MED13L: variants seen among roughly 807,000 people sequenced by gnomAD.
MED13L encodes mediator of RNA polymerase II transcription subunit 13-like.
In MED13L, 7 loss-of-function variants were observed where a neutral mutation model predicts 220.9. The ratio of observed to expected loss-of-function variants is 0.03; its 90% CI spans 0.02 to 0.06. The LOEUF is 0.06. MED13L is among the 10% of genes least tolerant of loss of function. MED13L has a pLI of 1.00. For missense variants in MED13L, 1,965 were observed against 2,760.5 expected (o/e 0.71, Z 6.46); for synonymous variants, 1,011 against 1,015.2 (o/e 1.00, Z 0.08).
chr12:115,964,735 A>G (rs1286485561), intron 29 of MED13L, among the ~76,000 whole-genome samples: 1 of 152,142 alleles, frequency 6.6e-6, no homozygotes, highest in Non-Finnish European at 1.5e-5. Context: ...CTGCTGGACC[A>G]TAATAATCTT....
intron 2 of MED13L, among the ~76,000 whole-genome samples, chr12:116,219,925 T>G (rs992501221): frequency 6.6e-6 from 1 of 151,976 alleles, no homozygotes; most frequent in African/African-American, 2.4e-5. Flanking sequence ...GCCTCCCGAG[T>G]AGCTGAGATT....
At chr12:116,150,201 T>A (rs572628762) in intron 2 of MED13L, among the ~76,000 whole-genome samples, 1 of 152,354 alleles carries the variant, frequency 6.6e-6, no homozygotes, top group East Asian at 1.9e-4. Context: ...ATCTCTTTTC[T>A]GGCTGACCAT....
intron 4 of MED13L, among the ~76,000 whole-genome samples, chr12:116,038,427 T>C (rs1416689094): frequency 1.3e-5 from 2 of 152,098 alleles, no homozygotes; most frequent in Non-Finnish European, 1.5e-5. Context: ...TAAACTGAAA[T>C]GGTGTACCTT....
intron 4 of MED13L, among the ~76,000 whole-genome samples, chr12:116,081,853 T>A (rs1871259861): frequency 6.6e-6 from 1 of 152,214 alleles, no homozygotes; most frequent in Admixed American, 6.5e-5. Flanking sequence ...GGCAGCAGAA[T>A]GAGAACCTGT....
chr12:115,982,606 G>A lies in MED13L; in HGVS notation c.4956-3C>T. 2 of 1,608,374 alleles carry A rather than the reference G, an allele frequency of 1.2e-6. No homozygotes were observed. Among genetic ancestry groups the A allele is most frequent in the Non-Finnish European group, 1.7e-6 (2 of 1,174,952 alleles). On this transcript the variant is annotated splice_polypyrimidine_tract_variant and splice_region_variant and intron_variant, in intron 21 of 30. Transcript: ENST00000281928. The stretch of plus-strand genomic sequence containing the variant: ...CTATTCTCTCCCTTTCTGTAACACT[G>A]GAGAGAGAGTCACTTGTGAGATGCA...
At chr12:116,276,677 C>T (rs1032948348) in intron 1 of MED13L, 45 of 1,174,086 alleles carry the variant, frequency 3.8e-5, no homozygotes, top group Non-Finnish European at 4.4e-5. Context: ...CGATCGGAGG[C>T]GCGGCAGCAC....
At chr12:116,043,154 T>C (rs564566481) in intron 4 of MED13L, among the ~76,000 whole-genome samples, 1 of 152,326 alleles carries the variant, frequency 6.6e-6, no homozygotes, top group South Asian at 2.1e-4. Context: ...GGAATGGTTC[T>C]ATCCCCCTCT....
chr12:116,008,938 G>A lies in MED13L; in HGVS notation c.1475C>T (p.Ser492Phe). 6.2e-7 allele frequency: 1 copy of A among 1,614,106 alleles called. No individual in the cohort carries two copies. The change falls in exon 10 of 31, where the codon TCT becomes TTT. Residue 492 changes from serine to phenylalanine, a missense_variant. Around this residue, in one of 10 missense-constraint regions of MED13L, gnomAD observed 818 missense variants for 1,041.2 expected, o/e 0.79. Coordinates refer to ENST00000281928, the MANE Select transcript of MED13L (RefSeq NM_015335.5). ...CTCCATGCATAATTCTTCGGCCACA[G>A]AGGGCCTATGGTGAAATGGTATTAA... ...RPLIPFHHRP[S>F]VAEELCMEQD...
intron 4 of MED13L, among the ~76,000 whole-genome samples, chr12:116,023,894 CA>C (rs1880217124): frequency 6.6e-6 from 1 of 152,118 alleles, no homozygotes; most frequent in Non-Finnish European, 1.5e-5. Flanking sequence ...ATAATATAAA[CA>C]GTAAAAATAC....
chr12:116,156,948 A>C (rs1878490399), intron 2 of MED13L, among the ~76,000 whole-genome samples: 1 of 152,114 alleles, frequency 6.6e-6, no homozygotes, highest in Non-Finnish European at 1.5e-5. Context: ...GATTCTTGAC[A>C]CCATGATAAA....
chr12:116,276,903 G>A (rs892954828), intron 1 of MED13L, 157 bp downstream of exon 1: 2 of 983,276 alleles, frequency 2.0e-6, no homozygotes, highest in South Asian at 1.4e-5. Context: ...AGAGAGAGAC[G>A]ATCCAAAAGG....
intron 2 of MED13L, among the ~76,000 whole-genome samples, chr12:116,161,148 C>G (rs1027678773): frequency 6.6e-6 from 1 of 152,084 alleles, no homozygotes; most frequent in Admixed American, 6.6e-5. Context: ...AGACAGTAAT[C>G]CATTCACAGG....
chr12:116,267,748 G>A (rs1399694677), intron 1 of MED13L, among the ~76,000 whole-genome samples: 1 of 152,120 alleles, frequency 6.6e-6, no homozygotes, highest in Non-Finnish European at 1.5e-5. Flanking sequence ...GAAAGTAAAG[G>A]AATTCTGGAT....
intron 1 of MED13L, chr12:116,276,749 G>A: frequency 1.6e-6 from 2 of 1,280,530 alleles, no homozygotes; most frequent in Non-Finnish European, 2.0e-6. Context: ...GAGAAGGGGA[G>A]TGCGATTGCA....
intron 1 of MED13L, among the ~76,000 whole-genome samples, chr12:116,264,013 C>T (rs1872668601): frequency 2.6e-5 from 4 of 152,156 alleles, no homozygotes. Flanking sequence ...CGTATGTATG[C>T]CAACATACCC....
In MED13L at chr12:116,151,801, T is replaced by C. The variant is rs751634230; in HGVS notation, c.311-40289A>G. Among the ~76,000 whole-genome samples, 55 of 152,168 alleles carry C rather than the reference T, an allele frequency of 3.6e-4. 1 individual carries two copies. Among genetic ancestry groups the C allele is most frequent in the Admixed American group, 2.9e-3 (45 of 15,262 alleles). On this transcript the variant is annotated intron_variant, in intron 2 of 30. Coordinates refer to ENST00000281928, the MANE Select transcript of MED13L (RefSeq NM_015335.5). ...AAAGACAGAGGGGCAAAAGGTAAAG[T>C]AGGTCTTTTAGAAATACATTTCCTA...
At chr12:116,160,758 T>A (rs1200737797) in intron 2 of MED13L, among the ~76,000 whole-genome samples, 3 of 139,090 alleles carry the variant, frequency 2.2e-5, no homozygotes, top group Admixed American at 2.1e-4. Flanking sequence ...TTATTTTTTA[T>A]TTTTTTTTTT....
chr12:116,220,711 C>T (rs56089446), intron 2 of MED13L, among the ~76,000 whole-genome samples: 7,020 of 152,002 alleles, frequency 0.046, 195 homozygotes, highest in East Asian at 0.085. Context: ...AATAAAGGGG[C>T]CATAAACAAA....
intron 2 of MED13L, among the ~76,000 whole-genome samples, chr12:116,197,234 G>C (rs1189671510): frequency 6.6e-6 from 1 of 152,152 alleles, no homozygotes; most frequent in African/African-American, 2.4e-5. Flanking sequence ...TGAAGGGCTG[G>C]TCTCCCTAAC....
Sources: gnomAD v4.1 joint callset for allele counts (sites outside exome capture counted in the v4.1 genomes callset) on GRCh38, gnomAD v4.1.1 for gene constraint, gnomAD v4.1.1 regional missense constraint, MANE v1.5 for transcripts, NCBI Gene and HGNC (gene_info 2026-07-23, HGNC 2026-07-21) for gene names.